Variants in WDR35 observed in about 807,000 individuals in gnomAD.
WDR35 encodes WD repeat domain 35.
A neutral mutation model predicts 158.3 loss-of-function variants in WDR35; 118 were observed. The ratio of observed to expected loss-of-function variants is 0.75; its 90% CI spans 0.64 to 0.87. WDR35 has a LOEUF of 0.87. Ranked by LOEUF, WDR35 falls within the 40% of genes least tolerant of loss-of-function variation. The pLI is 0.00. For synonymous variants in WDR35, 448 were observed against 476.1 expected (o/e 0.94, Z 0.77); for missense variants, 1,263 against 1,405.8 (o/e 0.90, Z 1.62).
chr2:19,980,413 CTT>C (rs1250472701), intron 4 of WDR35, among the ~76,000 whole-genome samples: 11 of 151,920 alleles, frequency 7.2e-5, no homozygotes, highest in African/African-American at 2.7e-4. Context: ...AAAAAAAAGA[CTT>C]ATCTCAAGTA....
At chr2:19,981,191 C>A (rs1257933842) in intron 3 of WDR35, among the ~76,000 whole-genome samples, 1 of 152,212 alleles carries the variant, frequency 6.6e-6, no homozygotes, top group African/African-American at 2.4e-5. Flanking sequence ...AATCTCTCTT[C>A]TGCCCACCTC....
chr2:19,915,074 T>TAAA (rs1255331582), intron 25 of WDR35, among the ~76,000 whole-genome samples: 2 of 152,018 alleles, frequency 1.3e-5, no homozygotes, highest in Admixed American at 1.3e-4. Flanking sequence ...CCCCAGAACT[T>TAAA]AAAGTATAAT....
intron 11 of WDR35, among the ~76,000 whole-genome samples, chr2:19,958,741 AT>A (rs1281369482): frequency 6.6e-6 from 1 of 152,210 alleles, no homozygotes; most frequent in African/African-American, 2.4e-5. Flanking sequence ...AGACAAGAAA[AT>A]TAGTAACCAC....
chr2:19,969,020 C>T (rs1209325130), intron 9 of WDR35, among the ~76,000 whole-genome samples: 1 of 152,214 alleles, frequency 6.6e-6, no homozygotes, highest in Non-Finnish European at 1.5e-5. Flanking sequence ...TTCCCCAAAT[C>T]CCTCTCTGCC....
At chr2:19,962,426 A>G in intron 10 of WDR35, 1 of 1,140,038 alleles carries the variant, frequency 8.8e-7, no homozygotes, top group Non-Finnish European at 1.3e-6. Flanking sequence ...ATATACAAAT[A>G]ATCATCAATG....
intron 25 of WDR35, among the ~76,000 whole-genome samples, chr2:19,925,777 T>A (rs2103391100): frequency 6.6e-6 from 1 of 152,162 alleles, no homozygotes; most frequent in South Asian, 2.1e-4. Flanking sequence ...AGTCAACATA[T>A]AATGCATGAA....
intron 5 of WDR35, among the ~76,000 whole-genome samples, chr2:19,977,310 TG>T (rs1463162395): frequency 6.6e-6 from 1 of 152,242 alleles, no homozygotes; most frequent in Non-Finnish European, 1.5e-5. Context: ...GAATGGCCTA[TG>T]GCATGACAAA....
At chr2:19,981,685 T>A (rs1050843414) in intron 3 of WDR35, among the ~76,000 whole-genome samples, 2 of 151,920 alleles carry the variant, frequency 1.3e-5, no homozygotes, top group African/African-American at 4.8e-5. Context: ...GCCTGGTTAA[T>A]TTTTTTTATT....
intron 10 of WDR35, among the ~76,000 whole-genome samples, chr2:19,966,441 G>C (rs1421650586): frequency 6.6e-6 from 1 of 152,026 alleles, no homozygotes; most frequent in Non-Finnish European, 1.5e-5. Context: ...ATTTTAATTT[G>C]AAAAGGGATT....
At chr2:19,936,678 T>A (rs1194357033) in intron 19 of WDR35, among the ~76,000 whole-genome samples, 1 of 152,138 alleles carries the variant, frequency 6.6e-6, no homozygotes, top group Non-Finnish European at 1.5e-5. Context: ...CATAAAAGAC[T>A]CCTCAGAGAA....
chr2:19,920,101 C>CA (rs925661589), intron 25 of WDR35, among the ~76,000 whole-genome samples: 2 of 152,078 alleles, frequency 1.3e-5, no homozygotes, highest in Non-Finnish European at 2.9e-5. Context: ...GCCCACCAAC[C>CA]AAAAAAAGTC....
At position 19,932,445 on chromosome 2, in the gene WDR35, C is replaced by A. The variant is rs1670555464; in HGVS notation, c.2661G>T (p.Trp887Cys). The A allele has an allele frequency of 6.2e-7, 1 of 1,612,960 alleles. No individual in the cohort carries two copies. Among genetic ancestry groups the A allele is most frequent in the Non-Finnish European group, 8.5e-7 (1 of 1,179,436 alleles). ...AVDTCVHLNQ[W>C]NKAVELAKNH... The stretch of plus-strand genomic sequence containing the variant: ...TTTTAGCCAATTCAACAGCTTTGTT[C>A]CACTAGGAGAAAAATTACACCATTC... The change falls in exon 23 of 27, where the codon TGG becomes TGT. Residue 887 changes from tryptophan to cysteine, a missense_variant and splice_region_variant. Trp to Cys is a radical substitution (Grantham distance 215). Coordinates refer to ENST00000281405, the MANE Select transcript of WDR35 (RefSeq NM_020779.4).
chr2:19,957,702 G>A (rs1414237685), intron 11 of WDR35, among the ~76,000 whole-genome samples: 1 of 151,978 alleles, frequency 6.6e-6, no homozygotes, highest in Non-Finnish European at 1.5e-5. Context: ...ACAGGTGCAT[G>A]CCACCATGTC....
At chr2:19,928,245 T>A (rs576513739) in intron 25 of WDR35, among the ~76,000 whole-genome samples, 6 of 152,380 alleles carry the variant, frequency 3.9e-5, no homozygotes, top group African/African-American at 1.4e-4. Flanking sequence ...CTGCTGCAGA[T>A]AACTAGCCAG....
At position 19,953,971 on chromosome 2, in the gene WDR35, C is replaced by T. The variant is rs201734421; in HGVS notation, c.1263G>A (p.Leu421=). Residue 421 remains leucine (L), a synonymous_variant, in exon 12 of 27, where the codon TTG becomes TTA. Coordinates refer to ENST00000281405, the MANE Select transcript of WDR35 (RefSeq NM_020779.4). ...LDPKYIDIVP[L]FVAMTKTHVI... is the part of the protein sequence containing the mutation. ...CATGGGTTTTGGTCATTGCAACAAA[C>T]AATGGTACTGTTAAAAATAACATTA... 4 of 1,614,064 alleles carry T rather than the reference C, an allele frequency of 2.5e-6. No individual in the cohort carries two copies. The South Asian group carries it at 3.3e-5, about 13-fold the overall frequency.
rs886055391 is a variant in WDR35, at chr2:19,910,289, C to T, written c.*3269G>A. On this transcript the variant is annotated 3_prime_UTR_variant, in exon 27 of 27. Coordinates refer to ENST00000281405, the MANE Select transcript of WDR35 (RefSeq NM_020779.4). The stretch of plus-strand genomic sequence containing the variant: ...TTTTTTCTTCAATGTTTATTATTTT[C>T]GTATTTTTTCACTTAATACTACATA... The T allele has an allele frequency of 3.9e-5, 6 of 152,130 alleles. No individual in the cohort carries two copies. Among genetic ancestry groups the T allele is most frequent in the Non-Finnish European group, 7.4e-5 (5 of 68,012 alleles). The allele number at this position is 152,130 out of a possible 1,614,324, so 9.4% of individuals were successfully genotyped here. A position where few individuals can be genotyped will look rare whatever the true frequency, so the allele number is the denominator to read the frequency against.
rs1670556208 is a variant in WDR35, at chr2:19,932,461, T to TACACCATTCAGTCACCCAAGTATTTA, written c.2659-40_2659-15dup. The TACACCATTCAGTCACCCAAGTATTTA allele has an allele frequency of 6.2e-7, 1 of 1,613,060 alleles. No homozygotes were observed. Among genetic ancestry groups the TACACCATTCAGTCACCCAAGTATTTA allele is most frequent in the Non-Finnish European group, 8.5e-7 (1 of 1,179,380 alleles). The stretch of plus-strand genomic sequence containing the variant: ...AGCTTTGTTCCACTAGGAGAAAAAT[T>TACACCATTCAGTCACCCAAGTATTTA]ACACCATTCAGTCACCCAAGTATTT... On this transcript the variant is annotated splice_polypyrimidine_tract_variant and intron_variant, in intron 22 of 26. Transcript: ENST00000281405.
At chr2:19,975,052 C>T (rs1367396337) in intron 6 of WDR35, among the ~76,000 whole-genome samples, 1 of 152,186 alleles carries the variant, frequency 6.6e-6, no homozygotes, top group Non-Finnish European at 1.5e-5. Flanking sequence ...CCAGATTATG[C>T]TGCCTGATCC....
chr2:19,968,653 C>T (rs933016633), intron 9 of WDR35, among the ~76,000 whole-genome samples: 1 of 152,190 alleles, frequency 6.6e-6, no homozygotes, highest in Non-Finnish European at 1.5e-5. Flanking sequence ...CTGTTCCAGG[C>T]TTACCTTGTA....
Sources: allele counts gnomAD v4.1 joint callset (sites outside exome capture counted in the v4.1 genomes callset), GRCh38; gene constraint gnomAD v4.1.1; transcripts MANE v1.5; gene names NCBI Gene and HGNC (gene_info 2026-07-23, HGNC 2026-07-21).